RABGAP1L: variants seen among roughly 807,000 people sequenced by gnomAD.
RABGAP1L encodes RAB GTPase activating protein 1 like.
In RABGAP1L, 63 loss-of-function variants were observed where a neutral mutation model predicts 137.7. That is an observed-to-expected ratio of 0.46 (90% CI 0.37 to 0.56). RABGAP1L has a LOEUF of 0.56. RABGAP1L is among the 20% of genes least tolerant of loss of function. The probability of loss-of-function intolerance (pLI) is 0.00; values close to 1 mark genes in which losing one functional copy is unlikely to be tolerated. For missense variants in RABGAP1L, 1,095 were observed against 1,244.0 expected (o/e 0.88, Z 1.80); for synonymous variants, 431 against 433.7 (o/e 0.99, Z 0.08).
At chr1:174,501,282 C>T (rs372913630) in intron 13 of RABGAP1L, among the ~76,000 whole-genome samples, 13 of 151,142 alleles carry the variant, frequency 8.6e-5, no homozygotes, top group East Asian at 7.8e-4. Flanking sequence ...GGGGCCATCA[C>T]GGCTCACTGC....
chr1:174,834,222 T>C (rs1014221045), intron 19 of RABGAP1L, among the ~76,000 whole-genome samples: 2 of 151,262 alleles, frequency 1.3e-5, no homozygotes, highest in African/African-American at 4.9e-5. Context: ...AGGTTGGGAG[T>C]TCAAGACCAG....
intron 19 of RABGAP1L, among the ~76,000 whole-genome samples, chr1:174,859,250 G>A (rs1649827274): frequency 6.6e-6 from 1 of 152,152 alleles, no homozygotes; most frequent in South Asian, 2.1e-4. Context: ...GGGAGGCCAA[G>A]ACGGGTGGAT....
At chr1:174,482,544 G>A (rs915136756) in intron 13 of RABGAP1L, among the ~76,000 whole-genome samples, 1 of 152,198 alleles carries the variant, frequency 6.6e-6, no homozygotes, top group Admixed American at 6.5e-5. Flanking sequence ...AGACTGGAGT[G>A]CAGTGGCACA....
Position 174,976,081 on chromosome 1 carries a change from G to A in RABGAP1L, c.2548G>A (p.Glu850Lys), listed in dbSNP as rs1481843852. The change falls in exon 22 of 26, where the codon GAA becomes AAA. Residue 850 changes from glutamate to lysine, a missense_variant. By Grantham distance (56) the Glu-to-Lys change is moderately conservative. Around this residue, in one of 4 missense-constraint regions of RABGAP1L, gnomAD observed 312 missense variants for 435.6 expected, o/e 0.72. Coordinates refer to ENST00000681986, the MANE Select transcript of RABGAP1L (RefSeq NM_001366446.1). ...TGTGATGCACCATGATTTGCAGGCA[G>A]AAGACAAGGCAGATGTGTTGAATAA... ...IALRNDLDQA[E>K]DKADVLNKEL... is the part of the protein sequence containing the mutation. The A allele has an allele frequency of 6.4e-7, 1 of 1,550,734 alleles. No individual in the cohort carries two copies. Among genetic ancestry groups the A allele is most frequent in the East Asian group, 2.4e-5 (1 of 40,898 alleles).
intron 11 of RABGAP1L, among the ~76,000 whole-genome samples, chr1:174,365,896 T>C (rs1370782343): frequency 6.6e-6 from 1 of 152,204 alleles, no homozygotes; most frequent in Non-Finnish European, 1.5e-5. Context: ...GGGGGTGTGA[T>C]TGGTGTAGGC....
At chr1:174,262,992 T>G (rs10912751) in intron 7 of RABGAP1L, among the ~76,000 whole-genome samples, 44,749 of 152,208 alleles carry the variant, frequency 0.29, 6,926 homozygotes, top group African/African-American at 0.35. Flanking sequence ...GTGCTTTTGC[T>G]GATGTTTGGT....
chr1:174,910,380 T>C (rs970286498), intron 19 of RABGAP1L, among the ~76,000 whole-genome samples: 1 of 152,172 alleles, frequency 6.6e-6, no homozygotes, highest in Admixed American at 6.6e-5. Context: ...AAGAAATGAT[T>C]ATGTACCTTA....
At chr1:174,686,009 A>G (rs1187136653) in intron 15 of RABGAP1L, among the ~76,000 whole-genome samples, 1 of 152,222 alleles carries the variant, frequency 6.6e-6, no homozygotes, top group Non-Finnish European at 1.5e-5. Context: ...CAGATCATCT[A>G]GAAGAATGAA....
intron 17 of RABGAP1L, among the ~76,000 whole-genome samples, chr1:174,726,149 A>G (rs1681962766): frequency 6.6e-6 from 1 of 152,018 alleles, no homozygotes; most frequent in Non-Finnish European, 1.5e-5. Flanking sequence ...TTTGTATTAG[A>G]TTTGTGTTTG....
At chr1:174,849,936 G>A (rs1262328181) in intron 19 of RABGAP1L, 7 of 683,110 alleles carry the variant, frequency 1.0e-5, no homozygotes, top group Middle Eastern at 5.0e-4. Context: ...TACCTGCATG[G>A]AAGACACAGG....
chr1:174,676,239 G>A (rs1347112436), intron 14 of RABGAP1L, among the ~76,000 whole-genome samples: 1 of 152,094 alleles, frequency 6.6e-6, no homozygotes, highest in African/African-American at 2.4e-5. Context: ...ATTATTCTAA[G>A]AAGGCTTTTG....
At chr1:174,614,554 G>T (rs910481340) in intron 13 of RABGAP1L, among the ~76,000 whole-genome samples, 3 of 152,060 alleles carry the variant, frequency 2.0e-5, no homozygotes, top group East Asian at 1.9e-4. Context: ...CATTTATGTG[G>T]CTTGGAGTTG....
Position 174,618,309 on chromosome 1 carries a change from C to T in RABGAP1L, c.1711-19066C>T, listed in dbSNP as rs779432025. On this transcript the variant is annotated intron_variant, in intron 13 of 25. Transcript: ENST00000681986. ...GAAGAGAGTAATGGTTCTCCCAGCA[C>T]GCAGCTGGAGATCTGAGAATGGACA... 5.5e-4 allele frequency among the ~76,000 whole-genome samples: 84 copies of T among 152,292 alleles called. 4 individuals are homozygous for T. Among genetic ancestry groups the T allele is most frequent in the South Asian group, 4.1e-4 (2 of 4,826 alleles).
At chr1:174,456,283 T>C (rs549313974) in intron 13 of RABGAP1L, among the ~76,000 whole-genome samples, 1 of 152,224 alleles carries the variant, frequency 6.6e-6, no homozygotes, top group African/African-American at 2.4e-5. Flanking sequence ...ACAGCAGTCA[T>C]CTACTGAATA....
intron 19 of RABGAP1L, among the ~76,000 whole-genome samples, chr1:174,941,189 T>C (rs7543147): frequency 0.37 from 56,137 of 152,048 alleles, 13,616 homozygotes; most frequent in African/African-American, 0.69. Flanking sequence ...CATAGCCCTA[T>C]CCTACTGTAA....
intron 17 of RABGAP1L, among the ~76,000 whole-genome samples, chr1:174,721,706 G>C (rs1450178789): frequency 6.6e-6 from 1 of 152,158 alleles, no homozygotes; most frequent in Non-Finnish European, 1.5e-5. Flanking sequence ...GGGGAATGAA[G>C]GTAGATCTGC....
At chr1:174,264,896 T>C (rs1673920448) in intron 7 of RABGAP1L, among the ~76,000 whole-genome samples, 2 of 152,074 alleles carry the variant, frequency 1.3e-5, no homozygotes, top group Non-Finnish European at 2.9e-5. Flanking sequence ...CCAAGTCTAA[T>C]CACTAGTTTT....
intron 13 of RABGAP1L, among the ~76,000 whole-genome samples, chr1:174,531,655 G>C (rs1306102139): frequency 6.7e-6 from 1 of 149,854 alleles, no homozygotes. Context: ...ATTGCTTTAA[G>C]CTAGGAATTT....
intron 13 of RABGAP1L, among the ~76,000 whole-genome samples, chr1:174,614,347 G>T (rs952276057): frequency 4.6e-5 from 7 of 152,236 alleles, no homozygotes; most frequent in East Asian, 1.9e-4. Context: ...GAAATTCTGG[G>T]TTGAAAATTC....
Sources: gnomAD v4.1 joint callset for allele counts (sites outside exome capture counted in the v4.1 genomes callset) on GRCh38, gnomAD v4.1.1 for gene constraint, gnomAD v4.1.1 regional missense constraint, MANE v1.5 for transcripts, NCBI Gene and HGNC (gene_info 2026-07-23, HGNC 2026-07-21) for gene names.